Variants in ERC2 observed in about 807,000 individuals in gnomAD.
ERC2 encodes ERC protein 2.
In ERC2, 42 loss-of-function variants were observed where a neutral mutation model predicts 114.8. That is an observed-to-expected ratio of 0.37 (90% CI 0.29 to 0.47). The LOEUF (loss-of-function observed/expected upper bound fraction) is 0.47, where lower values mean the gene tolerates loss of function less well. Ranked by LOEUF, ERC2 falls within the 20% of genes least tolerant of loss-of-function variation. The pLI, the probability that ERC2 is intolerant of heterozygous loss-of-function variation, is 0.99. For synonymous variants in ERC2, 454 were observed against 425.5 expected (o/e 1.07, Z -0.82); for missense variants, 939 against 1,150.7 (o/e 0.82, Z 2.66).
chr3:56,170,607 T>G (rs1450356328), intron 4 of ERC2, among the ~76,000 whole-genome samples: 5 of 144,712 alleles, frequency 3.5e-5, no homozygotes, highest in Non-Finnish European at 4.5e-5. Context: ...TTTTTTTTTT[T>G]TTTTTTTGAG....
intron 7 of ERC2, among the ~76,000 whole-genome samples, chr3:56,026,588 C>A (rs2074066526): frequency 6.6e-6 from 1 of 152,110 alleles, no homozygotes; most frequent in African/African-American, 2.4e-5. Context: ...TTCCTACAAG[C>A]CAGGCACTGT....
At chr3:55,853,954 C>A (rs2061678587) in intron 14 of ERC2, among the ~76,000 whole-genome samples, 1 of 152,080 alleles carries the variant, frequency 6.6e-6, no homozygotes, top group Non-Finnish European at 1.5e-5. Context: ...TAAATTAGAC[C>A]AAATTATCAC....
At chr3:56,445,798 T>C (rs1478499364) in intron 1 of ERC2, among the ~76,000 whole-genome samples, 1 of 152,206 alleles carries the variant, frequency 6.6e-6, no homozygotes, top group Non-Finnish European at 1.5e-5. Flanking sequence ...CTAATTCCTA[T>C]TATTTCCTAT....
At chr3:56,035,595 G>A (rs1388440841) in intron 7 of ERC2, among the ~76,000 whole-genome samples, 1 of 152,108 alleles carries the variant, frequency 6.6e-6, no homozygotes, top group African/African-American at 2.4e-5. Flanking sequence ...ATTATAAAAG[G>A]GCTTGACAGA....
At chr3:55,649,603 C>T (rs1452892563) in intron 17 of ERC2, among the ~76,000 whole-genome samples, 3 of 152,118 alleles carry the variant, frequency 2.0e-5, no homozygotes, top group East Asian at 1.9e-4. Context: ...CCAATGTATG[C>T]GTTTTATACA....
intron 14 of ERC2, among the ~76,000 whole-genome samples, chr3:55,762,128 C>T (rs2067486248): frequency 6.6e-6 from 1 of 152,066 alleles, no homozygotes; most frequent in Admixed American, 6.5e-5. Context: ...TCAGGTAGTT[C>T]TTTATAGCAG....
chr3:56,201,188 T>C (rs1214117010), intron 3 of ERC2, among the ~76,000 whole-genome samples: 12 of 152,142 alleles, frequency 7.9e-5, no homozygotes, highest in Admixed American at 6.5e-5. Context: ...CAGCTCCCCT[T>C]AGGAAGCCTT....
intron 2 of ERC2, among the ~76,000 whole-genome samples, chr3:56,404,924 T>C (rs1054690017): frequency 6.6e-6 from 1 of 152,126 alleles, no homozygotes; most frequent in Middle Eastern, 3.2e-3. Context: ...GGAAAAAACT[T>C]CTCAGAGGAA....
chr3:56,438,414 A>G (rs2062127959), intron 1 of ERC2, among the ~76,000 whole-genome samples: 1 of 152,138 alleles, frequency 6.6e-6, no homozygotes, highest in Non-Finnish European at 1.5e-5. Context: ...TTTGAAACTG[A>G]TCTCCCATCT....
intron 17 of ERC2, among the ~76,000 whole-genome samples, chr3:55,547,741 T>C (rs892475185): frequency 6.6e-6 from 1 of 152,192 alleles, no homozygotes; most frequent in Non-Finnish European, 1.5e-5. Context: ...ATATAGGGAA[T>C]GAAGCTTGGG....
At chr3:56,458,768 G>A (rs2063178999) in intron 1 of ERC2, among the ~76,000 whole-genome samples, 1 of 152,136 alleles carries the variant, frequency 6.6e-6, no homozygotes, top group South Asian at 2.1e-4. Flanking sequence ...GAATGTTACA[G>A]CCTTAGAAGG....
chr3:55,522,301 C>T (rs894380553), intron 17 of ERC2, among the ~76,000 whole-genome samples: 2 of 152,190 alleles, frequency 1.3e-5, no homozygotes, highest in South Asian at 4.1e-4. Context: ...TGCTGCCTCT[C>T]TGGGCCCTAA....
intron 14 of ERC2, among the ~76,000 whole-genome samples, chr3:55,875,728 T>A (rs62256776): frequency 0.1 from 15,061 of 145,458 alleles, 917 homozygotes; most frequent in African/African-American, 0.2. Flanking sequence ...ACACACACTC[T>A]CTCTCTCTCA....
chr3:56,222,548 C>T (rs921172615), intron 3 of ERC2, among the ~76,000 whole-genome samples: 2 of 152,106 alleles, frequency 1.3e-5, no homozygotes, highest in African/African-American at 4.8e-5. Flanking sequence ...GGTGCTCTTG[C>T]GTACCACTGC....
intron 2 of ERC2, among the ~76,000 whole-genome samples, chr3:56,316,403 G>A (rs2056863305): frequency 6.6e-6 from 1 of 152,198 alleles, no homozygotes; most frequent in Non-Finnish European, 1.5e-5. Flanking sequence ...CACCTTTTAA[G>A]TGGACAGAAA....
intron 17 of ERC2, among the ~76,000 whole-genome samples, chr3:55,518,932 T>C (rs547101457): frequency 6.6e-6 from 1 of 152,352 alleles, no homozygotes; most frequent in East Asian, 1.9e-4. Flanking sequence ...TGGAATACAA[T>C]TTCTAACATC....
intron 14 of ERC2, among the ~76,000 whole-genome samples, chr3:55,858,538 A>C (rs1017879690): frequency 5.3e-5 from 8 of 152,204 alleles, no homozygotes; most frequent in African/African-American, 1.9e-4. Flanking sequence ...AATGAAACAG[A>C]AGATAGGTAT....
intron 17 of ERC2, among the ~76,000 whole-genome samples, chr3:55,681,766 G>A (rs570258167): frequency 3.3e-5 from 5 of 152,346 alleles, no homozygotes; most frequent in Non-Finnish European, 5.9e-5. Flanking sequence ...AAGAAATAAA[G>A]GGGATAGGGC....
chr3:56,303,493 C>T (rs1416044718), intron 2 of ERC2, among the ~76,000 whole-genome samples: 6 of 152,238 alleles, frequency 3.9e-5, no homozygotes, highest in Admixed American at 3.9e-4. Flanking sequence ...GTCATAATGA[C>T]TTCCATTTCT....
Sources: allele counts gnomAD v4.1 joint callset (sites outside exome capture counted in the v4.1 genomes callset), GRCh38; gene constraint gnomAD v4.1.1; transcripts MANE v1.5; gene names NCBI Gene and HGNC (gene_info 2026-07-23, HGNC 2026-07-21).